The following ABCA5 variants were observed in gnomAD, a reference collection of about 807,000 sequenced individuals.
ABCA5 encodes the protein cholesterol transporter ABCA5.
ABCA5 carries 163 observed loss-of-function variants against 206.0 expected under a neutral mutation model. The ratio of observed to expected loss-of-function variants is 0.79; its 90% CI spans 0.70 to 0.90. The LOEUF is 0.90. Among genes scored for constraint, ABCA5 ranks in the 40% least tolerant of loss-of-function variants. The pLI, the probability that ABCA5 is intolerant of heterozygous loss-of-function variation, is 0.00. For missense variants in ABCA5, 1,859 were observed against 1,912.9 expected (o/e 0.97, Z 0.53); for synonymous variants, 609 against 613.8 (o/e 0.99, Z 0.11).
chr17:69,302,939 G>A (rs761514683), intron 7 of ABCA5, 33 bp from the exon 8 acceptor site: 1 of 1,234,746 alleles, frequency 8.1e-7, no homozygotes, highest in African/African-American at 1.6e-5. Flanking sequence ...TTAGTGCAAT[G>A]TTCATATATA....
chr17:69,287,769 A>T lies in ABCA5; in HGVS notation c.1903-18T>A, dbSNP rs1281373591. On this transcript the variant is annotated intron_variant, in intron 14 of 38. Coordinates refer to ENST00000392676, the MANE Select transcript of ABCA5 (RefSeq NM_172232.4). ...AGCAGTATCTGTGTGAAAAGAGGTG[A>T]AGAAGGGCAGGGAATCCTCAGAAAA... 6.2e-7 allele frequency: 1 copy of T among 1,607,590 alleles called. No individual in the cohort carries two copies. The highest frequency in any genetic ancestry group is 8.5e-7 in the Non-Finnish European group (1 of 1,177,128).
intron 9 of ABCA5, among the ~76,000 whole-genome samples, chr17:69,300,588 A>T (rs1006137651): frequency 3.3e-5 from 5 of 152,234 alleles, no homozygotes; most frequent in African/African-American, 1.2e-4. Flanking sequence ...ACTGAAAAAA[A>T]TAAATTGTTA....
At chr17:69,317,528 G>A (rs529594536) in intron 1 of ABCA5, among the ~76,000 whole-genome samples, 1 of 152,016 alleles carries the variant, frequency 6.6e-6, no homozygotes, top group South Asian at 2.1e-4. Flanking sequence ...CCCTTTATAG[G>A]AAACTTCCAG....
chr17:69,294,161 A>C (rs1249112978), intron 11 of ABCA5, among the ~76,000 whole-genome samples: 2 of 152,222 alleles, frequency 1.3e-5, no homozygotes, highest in East Asian at 3.8e-4. Context: ...ACTACATTTT[A>C]CTTTTACAAA....
intron 7 of ABCA5, among the ~76,000 whole-genome samples, chr17:69,303,807 T>TATACAC (rs1474929503): frequency 0.019 from 98 of 5,226 alleles, 33 homozygotes; most frequent in South Asian, 0.18. Flanking sequence ...TATATATATA[T>TATACAC]ACATACATAT....
chr17:69,287,833 C>T (rs2075476493), intron 14 of ABCA5, 82 bp from the exon 15 acceptor site: 6 of 1,261,112 alleles, frequency 4.8e-6, no homozygotes, highest in Admixed American at 5.6e-5. Context: ...TAAAAAACTG[C>T]CCCATTTCAA....
intron 1 of ABCA5, among the ~76,000 whole-genome samples, chr17:69,316,369 T>C (rs1253708504): frequency 6.6e-6 from 1 of 151,742 alleles, no homozygotes; most frequent in Non-Finnish European, 1.5e-5. Context: ...GGTGGGCGCC[T>C]GTAATCCCAG....
intron 19 of ABCA5, among the ~76,000 whole-genome samples, chr17:69,276,544 T>A (rs2075334149): frequency 1.3e-5 from 2 of 152,066 alleles, no homozygotes; most frequent in Non-Finnish European, 2.9e-5. Flanking sequence ...CTCAGCAAAC[T>A]AACACAGGAA....
chr17:69,302,618 ATT>A, intron 8 of ABCA5, 98 bp downstream of exon 8: 1 of 767,712 alleles, frequency 1.3e-6, no homozygotes, highest in Non-Finnish European at 1.8e-6. Context: ...TTTTAAAATA[ATT>A]TTTTTGGTAA....
intron 10 of ABCA5, among the ~76,000 whole-genome samples, chr17:69,295,022 C>T (rs373268296): frequency 6.6e-6 from 1 of 151,814 alleles, no homozygotes; most frequent in Non-Finnish European, 1.5e-5. Context: ...TAACATAAAC[C>T]GTTGTTTAGC....
chr17:69,275,402 T>G (rs1027869783), intron 19 of ABCA5, among the ~76,000 whole-genome samples: 4 of 152,150 alleles, frequency 2.6e-5, no homozygotes. Context: ...AGAGCTTAGA[T>G]TATCATACTT....
At chr17:69,286,839 A>G (rs1022264647) in intron 15 of ABCA5, among the ~76,000 whole-genome samples, 3 of 152,220 alleles carry the variant, frequency 2.0e-5, no homozygotes, top group African/African-American at 4.8e-5. Flanking sequence ...TATCTGTCAT[A>G]GCTATTAAAA....
rs907457005 is a variant in ABCA5, at chr17:69,314,232, C to T, written c.102+82G>A. 21 of 626,498 alleles carry T rather than the reference C, an allele frequency of 3.4e-5. No homozygotes were observed. The African/African-American group carries it at 4.1e-4, about 12-fold the overall frequency. 38.8% of individuals were successfully genotyped at this position (626,498 alleles called of 1,614,324 possible). A position where few individuals can be genotyped will look rare whatever the true frequency, so the allele number is the denominator to read the frequency against. On this transcript the variant is annotated intron_variant, in intron 2 of 38. Coordinates refer to ENST00000392676, the MANE Select transcript of ABCA5 (RefSeq NM_172232.4). ...AAAATTATAATAAAAATATATTTAG[C>T]AAAATAAATCATCACTTCAAGATAG...
At chr17:69,299,455 T>TAC (rs779059294) in intron 9 of ABCA5, among the ~76,000 whole-genome samples, 98 of 62,620 alleles carry the variant, frequency 1.6e-3, no homozygotes, top group Middle Eastern at 0.01. Context: ...GAAAATGTGA[T>TAC]ACACACACAC....
intron 1 of ABCA5, chr17:69,317,725 C>T (rs1185205192): frequency 6.6e-6 from 1 of 152,190 alleles, no homozygotes; most frequent in East Asian, 1.9e-4. Flanking sequence ...TCCAGTATCC[C>T]TCTTCCAGGG....
intron 18 of ABCA5, among the ~76,000 whole-genome samples, chr17:69,281,211 G>C (rs2075389287): frequency 6.6e-6 from 1 of 151,574 alleles, no homozygotes; most frequent in Non-Finnish European, 1.5e-5. Flanking sequence ...ATATTAAAGA[G>C]AATGTACTAG....
At chr17:69,281,486 C>T (rs1004928353) in intron 18 of ABCA5, among the ~76,000 whole-genome samples, 1 of 152,046 alleles carries the variant, frequency 6.6e-6, no homozygotes, top group Non-Finnish European at 1.5e-5. Context: ...AAGCAGAATG[C>T]CCACTTCATC....
At chr17:69,301,601 T>A (rs1312510520) in intron 8 of ABCA5, among the ~76,000 whole-genome samples, 2 of 152,092 alleles carry the variant, frequency 1.3e-5, no homozygotes, top group African/African-American at 4.8e-5. Context: ...CAAACTGCAA[T>A]ATTAATAATA....
Position 69,297,182 on chromosome 17 carries a change from G to A in ABCA5, c.1436+9C>T, listed in dbSNP as rs1258878279. The A allele has an allele frequency of 5.6e-6, 9 of 1,607,890 alleles. No individual in the cohort carries two copies. Among genetic ancestry groups the A allele is most frequent in the Non-Finnish European group, 7.6e-6 (9 of 1,178,516 alleles). On this transcript the variant is annotated intron_variant, in intron 10 of 38. Transcript: ENST00000392676. The stretch of plus-strand genomic sequence containing the variant: ...TCTTATACCTAAATTGCCAAAGATT[G>A]AACCATACCTTATGGCTTCTTTTCC...
Sources: allele counts gnomAD v4.1 joint callset (sites outside exome capture counted in the v4.1 genomes callset), GRCh38; gene constraint gnomAD v4.1.1; transcripts MANE v1.5; gene names NCBI Gene and HGNC (gene_info 2026-07-23, HGNC 2026-07-21).